Variants in ITFG1 observed in about 807,000 individuals in gnomAD.
ITFG1 encodes T-cell immunomodulatory protein.
Under a neutral mutation model 81.8 loss-of-function variants are expected in ITFG1, and 34 were observed. The ratio of observed to expected loss-of-function variants is 0.42; its 90% CI spans 0.32 to 0.55. The LOEUF (loss-of-function observed/expected upper bound fraction) is 0.55. Among genes scored for constraint, ITFG1 ranks in the 20% least tolerant of loss-of-function variants. The pLI, the probability that ITFG1 is intolerant of heterozygous loss-of-function variation, is 0.17. For synonymous variants in ITFG1, 285 were observed against 270.6 expected, an observed-to-expected ratio of 1.05 and a Z score of -0.52; for missense variants, 672 against 755.4, an observed-to-expected ratio of 0.89 and a Z score of 1.29.
intron 10 of ITFG1, among the ~76,000 whole-genome samples, 193 bp from the exon 11 acceptor site, chr16:47,260,888 A>G (rs1354144062): frequency 6.6e-6 from 1 of 152,172 alleles, no homozygotes; most frequent in African/African-American, 2.4e-5. Flanking sequence ...TTTGGCAAAA[A>G]TCCTCTGATT....
intron 10 of ITFG1, among the ~76,000 whole-genome samples, chr16:47,275,449 C>T (rs1966387559): frequency 6.6e-6 from 1 of 152,116 alleles, no homozygotes; most frequent in Admixed American, 6.5e-5. Flanking sequence ...AGTTGCATCA[C>T]ACAAGCATAG....
At chr16:47,168,360 A>G (rs1360558172) in intron 14 of ITFG1, among the ~76,000 whole-genome samples, 1 of 151,724 alleles carries the variant, frequency 6.6e-6, no homozygotes, top group African/African-American at 2.4e-5. Context: ...CTCCCTTTTC[A>G]GTTTGTTGAA....
At chr16:47,377,292 T>C (rs13332786) in intron 6 of ITFG1, among the ~76,000 whole-genome samples, 48,917 of 152,046 alleles carry the variant, frequency 0.32, 8,222 homozygotes, top group Non-Finnish European at 0.38. Flanking sequence ...ACAAGGAAAA[T>C]GCTTTGCCTG....
intron 5 of ITFG1, 78 bp from the exon 6 acceptor site, chr16:47,428,976 C>A: frequency 2.6e-6 from 2 of 776,008 alleles, no homozygotes; most frequent in Non-Finnish European, 4.2e-6. Context: ...TCTCTGCATG[C>A]AAAACACTTA....
intron 8 of ITFG1, among the ~76,000 whole-genome samples, chr16:47,318,028 G>T (rs1363298298): frequency 6.6e-6 from 1 of 152,002 alleles, no homozygotes; most frequent in East Asian, 1.9e-4. Context: ...GTAATGGAAA[G>T]AAGATAAAAT....
chr16:47,387,332 T>C (rs1968475058), intron 6 of ITFG1, among the ~76,000 whole-genome samples: 1 of 152,172 alleles, frequency 6.6e-6, no homozygotes. Flanking sequence ...ATAACAAGCT[T>C]TGGGGAGTGG....
Position 47,453,374 on chromosome 16 carries a change from G to A in ITFG1, c.428-584C>T, listed in dbSNP as rs780181113. Among the ~76,000 whole-genome samples the A allele has an allele frequency of 1.8e-4, 27 of 152,186 alleles. 1 individual carries two copies. The highest frequency in any genetic ancestry group is 2.9e-4 in the Non-Finnish European group (20 of 67,994). ...GACTAGGTATGGTAGACTGACTCTC[G>A]AACCATACTTCAACTTTTTTGTGCT... On this transcript the variant is annotated intron_variant, in intron 3 of 17. Transcript: ENST00000320640.
At position 47,331,557 on chromosome 16, in the gene ITFG1, G is replaced by A. The variant is rs74879305; in HGVS notation, c.803-17734C>T. Among the ~76,000 whole-genome samples the A allele has an allele frequency of 2.9e-4, 44 of 152,194 alleles. No homozygotes were observed. In the East Asian group the frequency reaches 4.8e-3, roughly 17 times the overall value. The stretch of plus-strand genomic sequence containing the variant: ...TACAGTGAACGTTGATAAAAACTGC[G>A]AATAAAGGTTATCCTAACTTCTGCT... On this transcript the variant is annotated intron_variant, in intron 8 of 17. Coordinates refer to ENST00000320640, the MANE Select transcript of ITFG1 (RefSeq NM_030790.5).
intron 5 of ITFG1, among the ~76,000 whole-genome samples, chr16:47,430,413 C>T (rs1055407335): frequency 3.9e-5 from 6 of 151,918 alleles, no homozygotes; most frequent in Non-Finnish European, 4.4e-5. Context: ...TGATTAAGTC[C>T]AATATATCAA....
At chr16:47,412,723 A>G (rs1056511960) in intron 6 of ITFG1, among the ~76,000 whole-genome samples, 1 of 151,316 alleles carries the variant, frequency 6.6e-6, no homozygotes, top group African/African-American at 2.4e-5. Context: ...ATCATGAAAC[A>G]GTTGGAAGAA....
chr16:47,350,461 T>C (rs1967934631), intron 8 of ITFG1, among the ~76,000 whole-genome samples: 1 of 152,218 alleles, frequency 6.6e-6, no homozygotes, highest in Non-Finnish European at 1.5e-5. Flanking sequence ...CTAGAAACTC[T>C]AGTAGAAATG....
At chr16:47,438,879 A>G (rs180940476) in intron 5 of ITFG1, among the ~76,000 whole-genome samples, 1 of 152,004 alleles carries the variant, frequency 6.6e-6, no homozygotes, top group Non-Finnish European at 1.5e-5. Context: ...AGAAGATCAA[A>G]CTACTCCGAG....
intron 13 of ITFG1, among the ~76,000 whole-genome samples, chr16:47,220,843 A>T (rs541050357): frequency 2.0e-5 from 3 of 152,312 alleles, no homozygotes; most frequent in Non-Finnish European, 4.4e-5. Flanking sequence ...CTCCTCAATA[A>T]AAGCAATGAG....
At chr16:47,229,413 T>C (rs956824878) in intron 13 of ITFG1, among the ~76,000 whole-genome samples, 3 of 151,958 alleles carry the variant, frequency 2.0e-5, no homozygotes, top group African/African-American at 2.4e-5. Context: ...GATCTGATTA[T>C]AGAGTTGTGG....
chr16:47,249,884 C>T (rs1355923328), intron 12 of ITFG1, among the ~76,000 whole-genome samples: 2 of 152,162 alleles, frequency 1.3e-5, no homozygotes, highest in Non-Finnish European at 2.9e-5. Flanking sequence ...TGCATAAATA[C>T]TGTAACACTA....
rs548543021 is a variant in ITFG1, at chr16:47,223,827, G to A, written c.1375-4881C>T. 7.2e-3 allele frequency among the ~76,000 whole-genome samples: 1,093 copies of A among 152,200 alleles called. 15 individuals are homozygous for A. The highest frequency in any genetic ancestry group is 0.025 in the African/African-American group (1,041 of 41,512). ...CTTGGAACCAACCCAAATGTCCAAC[G>A]ATGATAGACTGGATTAAGAAAATGT... On this transcript the variant is annotated intron_variant, in intron 13 of 17. Transcript: ENST00000320640.
At chr16:47,308,712 A>G (rs1221950197) in intron 10 of ITFG1, among the ~76,000 whole-genome samples, 1 of 152,180 alleles carries the variant, frequency 6.6e-6, no homozygotes, top group African/African-American at 2.4e-5. Context: ...TTTACTTGCC[A>G]TTTAATAGGC....
chr16:47,172,048 C>T (rs957459930), intron 14 of ITFG1, among the ~76,000 whole-genome samples: 2 of 152,164 alleles, frequency 1.3e-5, no homozygotes, highest in Non-Finnish European at 1.5e-5. Flanking sequence ...ATTAACTTGA[C>T]TTAGGTTAGT....
chr16:47,189,613 T>G (rs1965268200), intron 14 of ITFG1, among the ~76,000 whole-genome samples: 1 of 152,224 alleles, frequency 6.6e-6, no homozygotes, highest in African/African-American at 2.4e-5. Context: ...TTCATGGGCA[T>G]TTCGTCTGTT....
Sources: gnomAD v4.1 joint callset for allele counts (sites outside exome capture counted in the v4.1 genomes callset) on GRCh38, gnomAD v4.1.1 for gene constraint, MANE v1.5 for transcripts, NCBI Gene and HGNC (gene_info 2026-07-23, HGNC 2026-07-21) for gene names.